Variants in RELB observed in about 807,000 individuals in gnomAD.
RELB encodes the protein RELB proto-oncogene, NF-kB subunit.
A neutral mutation model predicts 55.4 loss-of-function variants in RELB; 14 were observed. That is an observed-to-expected ratio of 0.25 (90% CI 0.17 to 0.40). The LOEUF is 0.40. RELB is among the 10% of genes least tolerant of loss of function. RELB has a pLI of 1.00. For synonymous variants in RELB, 409 were observed against 371.3 expected (o/e 1.10, Z -1.17); for missense variants, 669 against 830.7 (o/e 0.81, Z 2.39).
At chr19:45,009,788 T>A in intron 2 of RELB, 26 bp from the exon 3 acceptor site, 4 of 1,594,158 alleles carry the variant, frequency 2.5e-6, no homozygotes, top group Non-Finnish European at 3.4e-6. Flanking sequence ...CTTACCTTTC[T>A]CTTTCTCTTT....
intron 5 of RELB, among the ~76,000 whole-genome samples, chr19:45,023,469 G>A (rs891834576): frequency 1.7e-4 from 24 of 143,868 alleles, no homozygotes; most frequent in Admixed American, 5.0e-4. Context: ...ACAGAGTCTC[G>A]CTCTGTCGCC....
At position 45,037,628 on chromosome 19, in the gene RELB, G is replaced by C. The variant is rs534267943; in HGVS notation, c.1578G>C (p.Gly526=). ...VCSGGAGAVV[G]ETPGPEPLTL... is the part of the protein sequence containing the mutation. Reference sequence around the variant, plus strand: ...GCGGAGGTGCCGGGGCCGTGGTTGGGGAGACCCCCGGCCCTGAACCACTGA... The same window carrying C: ...GCGGAGGTGCCGGGGCCGTGGTTGGCGAGACCCCCGGCCCTGAACCACTGA... Residue 526 remains glycine, a synonymous_variant, in exon 12 of 12, where the codon GGG becomes GGC. Coordinates refer to ENST00000221452, the MANE Select transcript of RELB (RefSeq NM_006509.4). 1 of 1,601,612 alleles carries C rather than the reference G, an allele frequency of 6.2e-7. No homozygotes were observed. The highest frequency in any genetic ancestry group is 8.5e-7 in the Non-Finnish European group (1 of 1,174,872).
intron 4 of RELB, among the ~76,000 whole-genome samples, chr19:45,021,678 G>A (rs940732313): frequency 6.2e-5 from 9 of 144,462 alleles, no homozygotes; most frequent in African/African-American, 2.0e-4. Flanking sequence ...AGGTTCAGGC[G>A]ATTCTCCTGC....
chr19:45,008,825 G>C, intron 2 of RELB: 1 of 285,762 alleles, frequency 3.5e-6, no homozygotes. Context: ...AGGCTCACTG[G>C]CGGCCTCTGG....
intron 4 of RELB, among the ~76,000 whole-genome samples, chr19:45,017,457 A>AAAAAAAAAAAAAAAAAAAAAAAAAAAC (rs1157162142): frequency 6.6e-6 from 1 of 151,350 alleles, no homozygotes; most frequent in Admixed American, 6.6e-5. Flanking sequence ...TCTAAAAAAA[A>AAAAAAAAAAAAAAAAAAAAAAAAAAAC]AAAAAACAAT....
At chr19:45,034,570 C>T (rs756848666) in intron 11 of RELB, 42 bp downstream of exon 11, 8 of 1,537,634 alleles carry the variant, frequency 5.2e-6, no homozygotes, top group East Asian at 2.4e-5. Context: ...CCTGGGTGGG[C>T]AGAGGGTAAG....
chr19:45,003,808 C>T (rs2122380766), intron 2 of RELB, among the ~76,000 whole-genome samples: 1 of 149,912 alleles, frequency 6.7e-6, no homozygotes, highest in Non-Finnish European at 1.5e-5. Flanking sequence ...TAAGTGTTAA[C>T]TGTTAGTGGT....
At chr19:45,007,907 A>G (rs1297919390) in intron 2 of RELB, among the ~76,000 whole-genome samples, 1 of 149,808 alleles carries the variant, frequency 6.7e-6, no homozygotes, top group East Asian at 2.0e-4. Flanking sequence ...CTGTAATCCC[A>G]GCACTTTAGG....
chr19:45,003,474 CAAAAAAAAAAAAA>C (rs55717847), intron 2 of RELB: 8 of 344,020 alleles, frequency 2.3e-5, no homozygotes, highest in Admixed American at 1.8e-4. Context: ...GACTCCGACT[CAAAAAAAAAAAAA>C]AAAAAAAAAA....
At chr19:45,033,081 C>A (rs1600083157) in intron 9 of RELB, among the ~76,000 whole-genome samples, 1 of 152,178 alleles carries the variant, frequency 6.6e-6, no homozygotes, top group East Asian at 1.9e-4. Flanking sequence ...TAGCTGTGTC[C>A]TCATGAGGCT....
intron 4 of RELB, among the ~76,000 whole-genome samples, chr19:45,014,195 G>C (rs977272729): frequency 2.7e-5 from 4 of 145,496 alleles, no homozygotes; most frequent in Non-Finnish European, 4.5e-5. Flanking sequence ...TTGGAGACAG[G>C]GTCTCTCTCT....
rs759972960 is a variant in RELB, at chr19:45,037,638, G to C, written c.1588G>C (p.Gly530Arg). The C allele has an allele frequency of 2.5e-6, 4 of 1,599,984 alleles. No homozygotes were observed. Among genetic ancestry groups the C allele is most frequent in the Non-Finnish European group, 3.4e-6 (4 of 1,174,066 alleles). The change falls in exon 12 of 12, where the codon GGC becomes CGC. Residue 530 changes from glycine to arginine, a missense_variant. By Grantham distance (125) the Gly-to-Arg change is moderately radical. Transcript: ENST00000221452. ...CGGGGCCGTGGTTGGGGAGACCCCC[G>C]GCCCTGAACCACTGACACTGGACTC... ...GAGAVVGETP[G>R]PEPLTLDSYQ...
chr19:45,033,621 GT>G (rs1971651669), intron 9 of RELB, among the ~76,000 whole-genome samples: 1 of 151,948 alleles, frequency 6.6e-6, no homozygotes, highest in Admixed American at 6.6e-5. Context: ...GGAGGCAGAG[GT>G]TGCAGTGAGC....
rs1301131325 is a variant in RELB, at chr19:45,012,030, G to T, written c.258G>T (p.Gly86=). The T allele has an allele frequency of 6.4e-7, 1 of 1,572,602 alleles. No homozygotes were observed. The highest frequency in any genetic ancestry group is 8.6e-7 in the Non-Finnish European group (1 of 1,162,934). ...GEGLPRLVSR[G]AASLSTVTLG... ...GGCTGCCACGCCTGGTGTCTCGCGG[G>T]GCTGCGTCCCTGAGCACGGTCACCC... Residue 86 remains glycine (G), a synonymous_variant, in exon 4 of 12, where the codon GGG becomes GGT. Coordinates refer to ENST00000221452, the MANE Select transcript of RELB (RefSeq NM_006509.4).
chr19:45,022,844 G>A (rs532937863), intron 5 of RELB, among the ~76,000 whole-genome samples: 67 of 152,048 alleles, frequency 4.4e-4, no homozygotes, highest in African/African-American at 1.4e-3. Context: ...CCACCGTGCC[G>A]GCCTTTTCTT....
chr19:45,002,072 A>G (rs1479370026), intron 1 of RELB, among the ~76,000 whole-genome samples: 1 of 145,588 alleles, frequency 6.9e-6, no homozygotes, highest in Non-Finnish European at 1.5e-5. Context: ...GCCTGACTCA[A>G]AAAAGGAAGC....
chr19:45,022,687 A>G (rs572732048), intron 5 of RELB, among the ~76,000 whole-genome samples: 1 of 151,852 alleles, frequency 6.6e-6, no homozygotes, highest in South Asian at 2.1e-4. Flanking sequence ...AGCTGAGATT[A>G]CAGGCATGCG....
At chr19:45,008,865 G>A (rs149625707) in intron 2 of RELB, 2,915 of 223,206 alleles carry the variant, frequency 0.013, 50 homozygotes, top group Non-Finnish European at 0.02. Context: ...ATGGAATGAC[G>A]GGAGGTCGGT....
At chr19:45,032,059 A>T (rs1434467708) in intron 8 of RELB, among the ~76,000 whole-genome samples, 1 of 149,688 alleles carries the variant, frequency 6.7e-6, no homozygotes, top group Non-Finnish European at 1.5e-5. Context: ...AACGTGGTGA[A>T]ACCCCGTCTC....
Sources: allele counts gnomAD v4.1 joint callset (sites outside exome capture counted in the v4.1 genomes callset), GRCh38; gene constraint gnomAD v4.1.1; transcripts MANE v1.5; gene names NCBI Gene and HGNC (gene_info 2026-07-23, HGNC 2026-07-21).